Variants in GPC5 observed in about 807,000 individuals in gnomAD.
GPC5 encodes the protein glypican 5, also known as glypican-5.
GPC5 carries 47 observed loss-of-function variants against 53.9 expected under a neutral mutation model. The ratio of observed to expected loss-of-function variants is 0.87; its 90% CI spans 0.69 to 1.11. GPC5 has a LOEUF of 1.11. Ranked by LOEUF, GPC5 falls within the 50% of genes most tolerant of loss-of-function variation. The probability of loss-of-function intolerance (pLI) is 0.00; values close to 1 mark genes in which losing one functional copy is unlikely to be tolerated. For synonymous variants in GPC5, 286 were observed against 263.3 expected (o/e 1.09, Z -0.84); for missense variants, 748 against 713.1 (o/e 1.05, Z -0.56).
intron 6 of GPC5, among the ~76,000 whole-genome samples, chr13:91,941,291 C>T (rs1020827371): frequency 3.9e-5 from 6 of 151,992 alleles, no homozygotes; most frequent in Admixed American, 6.6e-5. Flanking sequence ...GTGGTGCATC[C>T]GGCTTTGTTC....
chr13:92,442,910 A>G (rs1289644512), intron 7 of GPC5, among the ~76,000 whole-genome samples: 1 of 152,190 alleles, frequency 6.6e-6, no homozygotes, highest in African/African-American at 2.4e-5. Context: ...GAATAAATAG[A>G]TGTCCTGATC....
At chr13:92,537,496 T>A (rs1205338912) in intron 7 of GPC5, among the ~76,000 whole-genome samples, 1 of 152,274 alleles carries the variant, frequency 6.6e-6, no homozygotes, top group Non-Finnish European at 1.5e-5. Flanking sequence ...TGCACAGGCT[T>A]ATCTGAATTC....
At chr13:91,508,367 A>T (rs1885058607) in intron 2 of GPC5, among the ~76,000 whole-genome samples, 1 of 152,204 alleles carries the variant, frequency 6.6e-6, no homozygotes, top group African/African-American at 2.4e-5. Context: ...CAGTCCAATG[A>T]GCCATATTGT....
intron 5 of GPC5, among the ~76,000 whole-genome samples, chr13:91,838,337 C>T (rs570143069): frequency 1.3e-5 from 2 of 152,138 alleles, no homozygotes; most frequent in East Asian, 3.9e-4. Flanking sequence ...GCTTCAGGCC[C>T]TTACTCAGGC....
At chr13:91,406,795 C>T (rs1028416844) in intron 1 of GPC5, among the ~76,000 whole-genome samples, 2 of 152,192 alleles carry the variant, frequency 1.3e-5, no homozygotes, top group African/African-American at 4.8e-5. Flanking sequence ...TGAGGGACTT[C>T]GCCTCTTGGC....
intron 2 of GPC5, among the ~76,000 whole-genome samples, chr13:91,685,412 T>C (rs2035600759): frequency 1.3e-5 from 2 of 152,216 alleles, no homozygotes; most frequent in African/African-American, 4.8e-5. Flanking sequence ...ATAGTTTGGA[T>C]GTATTTGGTA....
intron 7 of GPC5, among the ~76,000 whole-genome samples, chr13:92,818,180 T>C (rs749781528): frequency 3.3e-5 from 5 of 151,756 alleles, no homozygotes; most frequent in Non-Finnish European, 7.4e-5. Context: ...ACCTGGCTAA[T>C]TTTTGTCTTC....
At chr13:92,716,770 G>A (rs1038275447) in intron 7 of GPC5, among the ~76,000 whole-genome samples, 1 of 152,142 alleles carries the variant, frequency 6.6e-6, no homozygotes, top group Non-Finnish European at 1.5e-5. Flanking sequence ...GAACGTCTCA[G>A]ACTAGTTTGT....
intron 7 of GPC5, among the ~76,000 whole-genome samples, chr13:92,861,407 CCTCT>C (rs1444229765): frequency 1.3e-5 from 2 of 152,170 alleles, no homozygotes; most frequent in Non-Finnish European, 2.9e-5. Context: ...GTTACACTCT[CCTCT>C]CTGTCTTGCT....
intron 6 of GPC5, among the ~76,000 whole-genome samples, chr13:92,013,508 A>G (rs2040679799): frequency 6.6e-6 from 1 of 152,182 alleles, no homozygotes; most frequent in African/African-American, 2.4e-5. Context: ...GTAGTTTTGC[A>G]AAAGGCAACA....
At chr13:91,752,229 GGTATGTAT>G (rs572925376) in intron 4 of GPC5, among the ~76,000 whole-genome samples, 2 of 151,728 alleles carry the variant, frequency 1.3e-5, no homozygotes, top group African/African-American at 2.4e-5. Context: ...TTTATGTGTG[GGTATGTAT>G]GTATGTATGT....
intron 7 of GPC5, among the ~76,000 whole-genome samples, chr13:92,307,756 G>A (rs2043120195): frequency 6.6e-6 from 1 of 152,122 alleles, no homozygotes. Context: ...GAGAAAAAGA[G>A]AAAACAAAGG....
chr13:92,257,123 TG>T (rs1275556829), intron 7 of GPC5, among the ~76,000 whole-genome samples: 2 of 152,298 alleles, frequency 1.3e-5, no homozygotes, highest in African/African-American at 4.8e-5. Context: ...AATTTCTGTT[TG>T]GCTTAAGCTG....
rs185635198 is a variant in GPC5 at position 92,148,537 on chromosome 13, C to G, written c.1561+3548C>G. ...AGCCATCTATACTATGTAATTTTCA[C>G]TCTTAAGTAACTGATTTCAGTAGAA... is the stretch of plus-strand genomic sequence containing the variant. On this transcript the variant is annotated intron_variant, in intron 7 of 7. Coordinates refer to ENST00000377067, the MANE Select transcript of GPC5 (RefSeq NM_004466.6). Among the ~76,000 whole-genome samples the G allele has an allele frequency of 3.3e-5, 5 of 152,182 alleles. No homozygotes were observed. In the East Asian group the frequency reaches 9.6e-4, roughly 29 times the overall value.
chr13:92,535,094 G>A (rs1320384143), intron 7 of GPC5, among the ~76,000 whole-genome samples: 2 of 152,066 alleles, frequency 1.3e-5, no homozygotes, highest in Non-Finnish European at 2.9e-5. Context: ...GTTTCAGAGG[G>A]TTACTTTGAA....
rs553465141 is a variant in GPC5, at chr13:92,444,287, C to T, written c.1561+299298C>T. ...AGGGCACAGTTTGTGTCAGGAATAACCTGCAGAAATCAAAAGAGTCAGTTT... is the reference window on the plus strand; with the variant it reads ...AGGGCACAGTTTGTGTCAGGAATAATCTGCAGAAATCAAAAGAGTCAGTTT... On this transcript the variant is annotated intron_variant, in intron 7 of 7. Transcript: ENST00000377067. Among the ~76,000 whole-genome samples, 5 of 152,182 alleles carry T rather than the reference C, an allele frequency of 3.3e-5. No homozygotes were observed. In the South Asian group the frequency reaches 1.0e-3, roughly 32 times the overall value.
chr13:91,976,486 C>T (rs2138707551), intron 6 of GPC5, among the ~76,000 whole-genome samples: 1 of 152,152 alleles, frequency 6.6e-6, no homozygotes, highest in East Asian at 1.9e-4. Flanking sequence ...CTCTCTGATG[C>T]CCTACAATTA....
At position 92,549,725 on chromosome 13, in the gene GPC5, G is replaced by T. The variant is rs146533391; in HGVS notation, c.1562-316557G>T. On this transcript the variant is annotated intron_variant, in intron 7 of 7. Coordinates refer to ENST00000377067, the MANE Select transcript of GPC5 (RefSeq NM_004466.6). ...AGAGGAGAAAATTAAATCTGCTAAG[G>T]AGAAAGTATCCTTCCATTTTACATC... Among the ~76,000 whole-genome samples, 22 of 152,024 alleles carry T rather than the reference G, an allele frequency of 1.4e-4. No individual in the cohort carries two copies. In the East Asian group the frequency reaches 3.7e-3, roughly 25 times the overall value.
At chr13:92,734,412 G>A (rs1392656004) in intron 7 of GPC5, among the ~76,000 whole-genome samples, 1 of 151,798 alleles carries the variant, frequency 6.6e-6, no homozygotes, top group Non-Finnish European at 1.5e-5. Flanking sequence ...TAATCACTAG[G>A]AGAAATTTTG....
Sources: gnomAD v4.1 joint callset for allele counts (sites outside exome capture counted in the v4.1 genomes callset) on GRCh38, gnomAD v4.1.1 for gene constraint, MANE v1.5 for transcripts, NCBI Gene and HGNC (gene_info 2026-07-23, HGNC 2026-07-21) for gene names.